Variants in ARHGAP15 observed in about 807,000 individuals in gnomAD.
ARHGAP15 encodes the protein rho GTPase-activating protein 15.
In ARHGAP15, 51 loss-of-function variants were observed where a neutral mutation model predicts 63.7. That is an observed-to-expected ratio of 0.80 (90% CI 0.64 to 1.01). The LOEUF is 1.01. Among genes scored for constraint, ARHGAP15 ranks in the 50% least tolerant of loss-of-function variants. ARHGAP15 has a pLI of 0.00. For missense variants in ARHGAP15, 560 were observed against 564.6 expected, an observed-to-expected ratio of 0.99 and a Z score of 0.08; for synonymous variants, 191 against 193.8, an observed-to-expected ratio of 0.99 and a Z score of 0.12.
chr2:143,662,005 C>T lies in ARHGAP15; in HGVS notation c.1138+37738C>T, dbSNP rs1332073442. On this transcript the variant is annotated intron_variant, in intron 12 of 13. Transcript: ENST00000295095. ...GCGAGGCTGGGGGAGGGGCGCCCGC[C>T]ATTGCCCAGGCTTGCTTAGGTAAAC... 7.9e-5 allele frequency among the ~76,000 whole-genome samples: 12 copies of T among 152,358 alleles called. No homozygotes were observed. The South Asian group carries it at 2.3e-3, about 29-fold the overall frequency.
At chr2:143,369,877 T>C (rs1351149965) in intron 6 of ARHGAP15, among the ~76,000 whole-genome samples, 1 of 152,098 alleles carries the variant, frequency 6.6e-6, no homozygotes, top group Non-Finnish European at 1.5e-5. Flanking sequence ...TTACTGAAAA[T>C]TGAATTTCCA....
chr2:143,261,549 A>G (rs1680725740), intron 6 of ARHGAP15, among the ~76,000 whole-genome samples: 3 of 150,848 alleles, frequency 2.0e-5, no homozygotes, highest in Non-Finnish European at 3.0e-5. Flanking sequence ...GGGTTTCACC[A>G]TGTTGGCCAA....
intron 4 of ARHGAP15, among the ~76,000 whole-genome samples, chr2:143,225,327 C>T (rs750271123): frequency 2.0e-5 from 3 of 152,032 alleles, no homozygotes; most frequent in Admixed American, 1.3e-4. Flanking sequence ...AGCGGCCGGG[C>T]GCGGTGGCTC....
chr2:143,574,377 T>C lies in ARHGAP15; in HGVS notation c.1003+17892T>C, dbSNP rs551963430. Among the ~76,000 whole-genome samples the C allele has an allele frequency of 2.6e-5, 4 of 152,204 alleles. No individual in the cohort carries two copies. The East Asian group carries it at 7.7e-4, about 29-fold the overall frequency. ...AAGCAGGTCATTTGCTCATTTCAAA[T>C]GGGTAGAGAATGTTAGAGTGCCTTG... On this transcript the variant is annotated intron_variant, in intron 11 of 13. Coordinates refer to ENST00000295095, the MANE Select transcript of ARHGAP15 (RefSeq NM_018460.4).
At chr2:143,683,346 A>G (rs1683191332) in intron 12 of ARHGAP15, among the ~76,000 whole-genome samples, 2 of 152,226 alleles carry the variant, frequency 1.3e-5, no homozygotes. Context: ...TAGCAAATAA[A>G]CAGCTCTTGA....
At chr2:143,495,383 A>G (rs754522414) in intron 9 of ARHGAP15, among the ~76,000 whole-genome samples, 5 of 152,100 alleles carry the variant, frequency 3.3e-5, no homozygotes, top group Non-Finnish European at 7.4e-5. Flanking sequence ...TACACTGATA[A>G]CTTGGGCTTG....
At chr2:143,618,121 C>A (rs1035480881) in intron 11 of ARHGAP15, among the ~76,000 whole-genome samples, 11 of 152,182 alleles carry the variant, frequency 7.2e-5, no homozygotes, top group Non-Finnish European at 4.4e-5. Context: ...CAGAACCTCT[C>A]TAATCCACCA....
chr2:143,373,051 GA>G (rs1686632478), intron 6 of ARHGAP15, among the ~76,000 whole-genome samples: 1 of 110,324 alleles, frequency 9.1e-6, no homozygotes, highest in African/African-American at 4.8e-5. Context: ...AAAAATAGAT[GA>G]GACAGATAAA....
chr2:143,135,255 G>A (rs905833914), intron 1 of ARHGAP15, among the ~76,000 whole-genome samples: 3 of 152,154 alleles, frequency 2.0e-5, no homozygotes, highest in African/African-American at 7.2e-5. Flanking sequence ...TCTGATGAAA[G>A]CATTTTCTGC....
intron 6 of ARHGAP15, among the ~76,000 whole-genome samples, chr2:143,328,247 A>G (rs1341336393): frequency 6.6e-6 from 1 of 152,220 alleles, no homozygotes; most frequent in African/African-American, 2.4e-5. Flanking sequence ...TACTGAGTAT[A>G]TACCCAATTA....
chr2:143,746,374 CAAAG>C (rs1559158068), intron 13 of ARHGAP15, among the ~76,000 whole-genome samples: 1 of 150,982 alleles, frequency 6.6e-6, no homozygotes, highest in Non-Finnish European at 1.5e-5. Flanking sequence ...AATTTTTTTT[CAAAG>C]AAAGTAAAAC....
intron 8 of ARHGAP15, among the ~76,000 whole-genome samples, chr2:143,446,270 T>C (rs1441212037): frequency 6.6e-6 from 1 of 151,544 alleles, no homozygotes; most frequent in Non-Finnish European, 1.5e-5. Flanking sequence ...CTTTGTAGAT[T>C]ATATATTATG....
At chr2:143,418,636 T>C (rs778381083) in intron 6 of ARHGAP15, among the ~76,000 whole-genome samples, 1 of 152,094 alleles carries the variant, frequency 6.6e-6, no homozygotes, top group Non-Finnish European at 1.5e-5. Context: ...AAAATATAAA[T>C]TGGAAAAATT....
Position 143,550,556 on chromosome 2 carries a change from C to T in ARHGAP15, c.926-5852C>T, listed in dbSNP as rs529800714. Reference sequence around the variant, plus strand: ...TTAAGTCCCTCAGTTGTATTAACCACGTTTCAAGTGGTTAATAATCTCTGT... The same window carrying T: ...TTAAGTCCCTCAGTTGTATTAACCATGTTTCAAGTGGTTAATAATCTCTGT... On this transcript the variant is annotated intron_variant, in intron 10 of 13. Coordinates refer to ENST00000295095, the MANE Select transcript of ARHGAP15 (RefSeq NM_018460.4). 1.4e-4 allele frequency among the ~76,000 whole-genome samples: 21 copies of T among 152,280 alleles called. 1 individual carries two copies. Among genetic ancestry groups the T allele is most frequent in the Admixed American group, 9.2e-4 (14 of 15,284 alleles).
At chr2:143,465,975 A>G (rs1020593480) in intron 8 of ARHGAP15, among the ~76,000 whole-genome samples, 1 of 152,192 alleles carries the variant, frequency 6.6e-6, no homozygotes. Flanking sequence ...CAGCACTGCC[A>G]GTAAACAAAC....
At chr2:143,499,057 A>C (rs998068530) in intron 9 of ARHGAP15, among the ~76,000 whole-genome samples, 26 of 152,130 alleles carry the variant, frequency 1.7e-4, no homozygotes, top group Non-Finnish European at 8.8e-5. Context: ...TTTCCCTCAA[A>C]TTTGCTTTTT....
chr2:143,261,424 C>G (rs535676388), intron 6 of ARHGAP15, among the ~76,000 whole-genome samples: 1 of 148,822 alleles, frequency 6.7e-6, no homozygotes, highest in Non-Finnish European at 1.5e-5. Flanking sequence ...CTGCAACCTC[C>G]GTCTCCTGAG....
intron 1 of ARHGAP15, among the ~76,000 whole-genome samples, chr2:143,139,902 C>A (rs867935971): frequency 2.0e-5 from 3 of 152,124 alleles, no homozygotes; most frequent in Non-Finnish European, 4.4e-5. Context: ...GTTACTTAAT[C>A]TTTCTGAGTC....
chr2:143,669,803 T>A (rs933794433), intron 12 of ARHGAP15, among the ~76,000 whole-genome samples: 1 of 151,038 alleles, frequency 6.6e-6, no homozygotes, highest in African/African-American at 2.4e-5. Context: ...AAAATGAGAG[T>A]TCTCAGACCT....
Sources: gnomAD v4.1 joint callset for allele counts (sites outside exome capture counted in the v4.1 genomes callset) on GRCh38, gnomAD v4.1.1 for gene constraint, MANE v1.5 for transcripts, NCBI Gene and HGNC (gene_info 2026-07-23, HGNC 2026-07-21) for gene names.